MYOF: variants seen among roughly 807,000 people sequenced by gnomAD.
The protein encoded by MYOF is myoferlin.
A neutral mutation model predicts 284.2 loss-of-function variants in MYOF; 244 were observed. That is an observed-to-expected ratio of 0.86 (90% confidence interval 0.77 to 0.95). The LOEUF (loss-of-function observed/expected upper bound fraction) is 0.95. MYOF is among the 40% of genes least tolerant of loss of function. The probability of loss-of-function intolerance (pLI) is 0.00; values close to 1 mark genes in which losing one functional copy is unlikely to be tolerated. For missense variants in MYOF, 2,496 were observed against 2,560.6 expected (o/e 0.97, Z 0.54); for synonymous variants, 904 against 919.7 (o/e 0.98, Z 0.31).
At chr10:93,388,889 T>G (rs1322196043) in intron 18 of MYOF, 141 bp downstream of exon 18, 3 of 1,133,488 alleles carry the variant, frequency 2.6e-6, no homozygotes, top group Non-Finnish European at 3.6e-6. Flanking sequence ...TGAGATGATC[T>G]CCACAGTCTT....
chr10:93,465,538 C>CTTT (rs71031511), intron 1 of MYOF, among the ~76,000 whole-genome samples: 6 of 112,154 alleles, frequency 5.3e-5, no homozygotes, highest in East Asian at 4.9e-4. Flanking sequence ...TTTTTCTTTT[C>CTTT]TTTTTTTTTT....
chr10:93,339,907 G>A (rs991126268), intron 39 of MYOF, among the ~76,000 whole-genome samples: 5 of 151,954 alleles, frequency 3.3e-5, no homozygotes, highest in East Asian at 2.0e-4. Context: ...GTGAAACCCC[G>A]TCTCTACTAA....
chr10:93,441,312 C>T (rs1168725338), intron 3 of MYOF, among the ~76,000 whole-genome samples: 3 of 152,150 alleles, frequency 2.0e-5, no homozygotes, highest in Non-Finnish European at 4.4e-5. Context: ...CCACACTTTG[C>T]CCTACCAAAT....
chr10:93,415,213 G>A (rs1358750405), intron 5 of MYOF, among the ~76,000 whole-genome samples: 1 of 151,762 alleles, frequency 6.6e-6, no homozygotes, highest in African/African-American at 2.4e-5. Context: ...CCACCCCACT[G>A]CATGCCCCTC....
Position 93,478,244 on chromosome 10 carries a change from G to T in MYOF, c.88+3863C>A, listed in dbSNP as rs546506673. The T allele has an allele frequency of 9.0e-4, 274 of 305,260 alleles. 2 individuals carry two copies. Among genetic ancestry groups the T allele is most frequent in the Admixed American group, 1.4e-3 (38 of 26,400 alleles). 18.9% of individuals were successfully genotyped at this position (305,260 alleles called of 1,614,324 possible). A position where few individuals can be genotyped will look rare whatever the true frequency, so the allele number is the denominator to read the frequency against. The stretch of plus-strand genomic sequence containing the variant: ...CTCAGAGTTGAAATTGGTCTCAGAG[G>T]TCTGTGTAGTCTAATCTCAGCTAGA... On this transcript the variant is annotated intron_variant, in intron 1 of 53. Transcript: ENST00000359263.
intron 5 of MYOF, among the ~76,000 whole-genome samples, chr10:93,423,384 G>A (rs965963460): frequency 3.3e-5 from 5 of 151,586 alleles, no homozygotes; most frequent in East Asian, 1.9e-4. Flanking sequence ...AAAATTAAGC[G>A]GGTGTGGTCG....
chr10:93,431,381 C>A (rs1848860302), intron 4 of MYOF, 27 bp downstream of exon 4: 3 of 1,593,334 alleles, frequency 1.9e-6, no homozygotes, highest in African/African-American at 2.7e-5. Flanking sequence ...CACTTCAAAG[C>A]CATTCAATAA....
At chr10:93,312,913 A>G (rs972014942) in intron 51 of MYOF, 107 bp downstream of exon 51, 7 of 1,216,792 alleles carry the variant, frequency 5.8e-6, no homozygotes, top group South Asian at 1.7e-5. Context: ...ACTCCCACCA[A>G]TTTAAAACTT....
intron 3 of MYOF, among the ~76,000 whole-genome samples, chr10:93,444,872 A>C (rs773231090): frequency 2.0e-5 from 3 of 152,214 alleles, no homozygotes; most frequent in Non-Finnish European, 4.4e-5. Flanking sequence ...CCAACAGATC[A>C]GGGTCCCAGC....
intron 39 of MYOF, chr10:93,338,187 C>A: frequency 2.0e-6 from 1 of 502,220 alleles, no homozygotes. Flanking sequence ...CTTTTACACA[C>A]AGTCTATTAA....
intron 22 of MYOF, 119 bp downstream of exon 22, chr10:93,377,204 A>G (rs1023613617): frequency 8.1e-6 from 6 of 745,154 alleles, no homozygotes; most frequent in Non-Finnish European, 2.2e-6. Context: ...CGAAGTTTGA[A>G]TAATTCAAAA....
At chr10:93,377,033 G>T (rs1246648458) in intron 22 of MYOF, among the ~76,000 whole-genome samples, 5 of 152,176 alleles carry the variant, frequency 3.3e-5, no homozygotes, top group African/African-American at 1.2e-4. Flanking sequence ...GCTCAGGCTT[G>T]CTTCTTTCTC....
At chr10:93,354,101 GC>G (rs1844668604) in intron 31 of MYOF, among the ~76,000 whole-genome samples, 1 of 152,340 alleles carries the variant, frequency 6.6e-6, no homozygotes, top group African/African-American at 2.4e-5. Context: ...TAGGCTGGGT[GC>G]AGTGGCTCAT....
At chr10:93,313,273 T>G in intron 50 of MYOF, 63 bp from the exon 51 acceptor site, 2 of 1,496,944 alleles carry the variant, frequency 1.3e-6, no homozygotes, top group South Asian at 1.3e-5. Flanking sequence ...TGTTCACAAG[T>G]GAACAGAACG....
At chr10:93,371,709 C>A (rs1845598040) in intron 24 of MYOF, among the ~76,000 whole-genome samples, 1 of 150,288 alleles carries the variant, frequency 6.7e-6, no homozygotes, top group South Asian at 2.2e-4. Context: ...CCCACATAAA[C>A]CAAAGCTCTC....
In MYOF at chr10:93,397,269, T is replaced by C. The variant is rs1159222010; in HGVS notation, c.1312A>G (p.Ile438Val). Residue 438 changes from isoleucine (I) to valine (V), a missense_variant, in exon 15 of 54, where the codon ATA becomes GTA. Transcript: ENST00000359263. ...CACCAGTCATATATTGTTAGTTTTATTTTTTCACACACTGAAGGAAACTAA... is the reference window on the plus strand; with the variant it reads ...CACCAGTCATATATTGTTAGTTTTACTTTTTCACACACTGAAGGAAACTAA... ...QIKFPSVCEK[I>V]KLTIYDWDRL... 1 of 1,598,642 alleles carries C rather than the reference T, an allele frequency of 6.3e-7. No homozygotes were observed. The highest frequency in any genetic ancestry group is 1.3e-5 in the African/African-American group (1 of 74,602).
chr10:93,317,608 GCC>G (rs1842669158), intron 49 of MYOF, among the ~76,000 whole-genome samples: 1 of 152,168 alleles, frequency 6.6e-6, no homozygotes, highest in Non-Finnish European at 1.5e-5. Context: ...CTGCACTCCA[GCC>G]TGGGCGACAG....
rs1161041393 is a variant in MYOF, at chr10:93,328,950, C to G, written c.4983-39G>C. 2.6e-6 allele frequency: 4 copies of G among 1,561,642 alleles called. No homozygotes were observed. The East Asian group carries it at 9.1e-5, about 35-fold the overall frequency. On this transcript the variant is annotated intron_variant, in intron 44 of 53. Coordinates refer to ENST00000359263, the MANE Select transcript of MYOF (RefSeq NM_013451.4). ...CACGTGGCTCGGAGTTACGGAGGAG[C>G]CTGCAGGTTCTTCTCAGATTCACAC...
intron 5 of MYOF, among the ~76,000 whole-genome samples, chr10:93,411,072 A>G (rs1054690993): frequency 6.6e-6 from 1 of 152,278 alleles, no homozygotes; most frequent in Non-Finnish European, 1.5e-5. Context: ...GTAATTATCT[A>G]TAGGCGAAGC....
Sources: gnomAD v4.1 joint callset for allele counts (sites outside exome capture counted in the v4.1 genomes callset) on GRCh38, gnomAD v4.1.1 for gene constraint, MANE v1.5 for transcripts, NCBI Gene and HGNC (gene_info 2026-07-23, HGNC 2026-07-21) for gene names.